Variants in TIAM2 observed in about 807,000 individuals in gnomAD.
TIAM2 encodes TIAM Rac1 associated GEF 2.
Under a neutral mutation model 152.9 loss-of-function variants are expected in TIAM2, and 80 were observed. The observed-to-expected ratio is 0.52, with a 90% CI of 0.44 to 0.63. TIAM2 has a LOEUF of 0.63. Ranked by LOEUF, TIAM2 falls within the 30% of genes least tolerant of loss-of-function variation. The pLI, the probability that TIAM2 is intolerant of heterozygous loss-of-function variation, is 0.00. For missense variants in TIAM2, 1,965 were observed against 2,120.1 expected, an observed-to-expected ratio of 0.93 and a Z score of 1.44; for synonymous variants, 804 against 838.0, an observed-to-expected ratio of 0.96 and a Z score of 0.70.
At position 155,129,587 on chromosome 6, in the gene TIAM2, G is replaced by A. The variant is rs762635687; in HGVS notation, c.364G>A (p.Glu122Lys). ...TENGFHSVGH[E>K]LADNHITSRD... ...GAATGGCTTCCACTCTGTTGGCCAC[G>A]AGCTGGCAGATAACCACATCACCTC... The change falls in exon 4 of 27, where the codon GAG becomes AAG. Residue 122 changes from glutamate to lysine, a missense_variant. Coordinates refer to ENST00000682666, the MANE Select transcript of TIAM2 (RefSeq NM_012454.4). The surrounding 1 kb of genome is among the most constrained non-coding windows in gnomAD (Gnocchi z 4.8). 15 of 1,613,964 alleles carry A rather than the reference G, an allele frequency of 9.3e-6. No individual in the cohort carries two copies. Among genetic ancestry groups the A allele is most frequent in the East Asian group, 2.2e-5 (1 of 44,884 alleles).
chr6:155,049,457 C>T (rs1367359825), intron 1 of TIAM2, among the ~76,000 whole-genome samples: 1 of 152,080 alleles, frequency 6.6e-6, no homozygotes, highest in Non-Finnish European at 1.5e-5. Flanking sequence ...AATTTTTGCC[C>T]ACTGAGTTGC....
At chr6:155,216,838 C>T (rs1334748590) in intron 15 of TIAM2, 23 of 1,097,190 alleles carry the variant, frequency 2.1e-5, no homozygotes, top group African/African-American at 6.7e-5. Flanking sequence ...GGCAGGCTCC[C>T]GGCATGGGTG....
intron 2 of TIAM2, among the ~76,000 whole-genome samples, chr6:155,104,907 A>G (rs1374080017): frequency 2.0e-5 from 3 of 152,180 alleles, no homozygotes; most frequent in South Asian, 4.1e-4. Flanking sequence ...TTATCTGTCT[A>G]TGGTAGAGGC....
At chr6:155,173,597 C>T (rs1780688529) in intron 9 of TIAM2, among the ~76,000 whole-genome samples, 1 of 152,164 alleles carries the variant, frequency 6.6e-6, no homozygotes, top group South Asian at 2.1e-4. Context: ...ACCCTTCTGC[C>T]TGTAATATGA....
chr6:155,047,456 G>A (rs1343727285), intron 1 of TIAM2, among the ~76,000 whole-genome samples: 1 of 152,100 alleles, frequency 6.6e-6, no homozygotes, highest in Non-Finnish European at 1.5e-5. Context: ...CTGGGATTAC[G>A]TGTGTCAGCC....
Position 155,131,090 on chromosome 6 carries a change from C to A in TIAM2, c.1194+673C>A, listed in dbSNP as rs1779435534. ...TAAGACTTGGCCATAGCCGGTGTGG[C>A]AGCTCATGCCTGTCATCCCAGCACT... On this transcript the variant is annotated intron_variant, in intron 4 of 26. Coordinates refer to ENST00000682666, the MANE Select transcript of TIAM2 (RefSeq NM_012454.4). Among the ~76,000 whole-genome samples the A allele has an allele frequency of 2.0e-5, 3 of 152,354 alleles. No homozygotes were observed. In the South Asian group the frequency reaches 6.2e-4, roughly 32 times the overall value.
At chr6:155,007,975 G>A (rs1376729732) in intron 1 of TIAM2, among the ~76,000 whole-genome samples, 2 of 152,150 alleles carry the variant, frequency 1.3e-5, no homozygotes, top group Admixed American at 6.6e-5. Flanking sequence ...TCACTAAGGC[G>A]TGGAGTGTAC....
chr6:155,206,809 C>T (rs564945574), intron 14 of TIAM2, among the ~76,000 whole-genome samples: 12 of 152,198 alleles, frequency 7.9e-5, no homozygotes, highest in East Asian at 1.9e-4. Context: ...TTAATTTCCA[C>T]GAGAAATGTG....
chr6:155,245,760 T>TTG, intron 19 of TIAM2, 29 bp downstream of exon 19: 1 of 1,447,648 alleles, frequency 6.9e-7, no homozygotes. Flanking sequence ...TTATAGTTTT[T>TTG]TTTTTTTTTT....
intron 15 of TIAM2, among the ~76,000 whole-genome samples, chr6:155,238,755 T>C (rs1243199031): frequency 6.6e-6 from 1 of 152,266 alleles, no homozygotes; most frequent in Non-Finnish European, 1.5e-5. Flanking sequence ...GAAGTCTTTG[T>C]TGATTCCAGA....
chr6:155,245,037 C>A (rs1562370486), intron 18 of TIAM2, among the ~76,000 whole-genome samples: 1 of 152,168 alleles, frequency 6.6e-6, no homozygotes, highest in South Asian at 2.1e-4. Context: ...TGACCACGTA[C>A]GTGCTCTTTT....
At chr6:155,197,472 C>T (rs779014514) in intron 14 of TIAM2, among the ~76,000 whole-genome samples, 2 of 152,044 alleles carry the variant, frequency 1.3e-5, no homozygotes, top group East Asian at 1.9e-4. Flanking sequence ...CCCATGACCC[C>T]GAAATGCCAG....
rs1486783521 is a variant in TIAM2 at position 155,156,778 on chromosome 6, C to A, written c.2029-7637C>A. Among the ~76,000 whole-genome samples, 2 of 152,244 alleles carry A rather than the reference C, an allele frequency of 1.3e-5. No individual in the cohort carries two copies. The highest frequency in any genetic ancestry group is 2.9e-5 in the Non-Finnish European group (2 of 68,036). ...TTTATCTGCAACTCCCTGAGCCCAC[C>A]CTTCTGCTCCTTTCTTTGGGTTTTT... is the stretch of plus-strand genomic sequence containing the variant. On this transcript the variant is annotated intron_variant, in intron 7 of 26. Transcript: ENST00000682666. This position sits in a 1 kb window ranked among gnomAD's most constrained non-coding sequence, Gnocchi z 4.4.
At chr6:155,113,580 TG>T (rs1022537079) in intron 2 of TIAM2, among the ~76,000 whole-genome samples, 2 of 152,048 alleles carry the variant, frequency 1.3e-5, no homozygotes, top group African/African-American at 4.8e-5. Flanking sequence ...AAAAATTAGC[TG>T]GGCGTTATGG....
intron 1 of TIAM2, among the ~76,000 whole-genome samples, chr6:155,032,139 A>G (rs9480016): frequency 0.21 from 31,845 of 152,008 alleles, 3,577 homozygotes; most frequent in African/African-American, 0.28. Context: ...TTATGTTCAG[A>G]TTGAACAAGC....
chr6:155,145,470 G>GC (rs1779800319), intron 6 of TIAM2, among the ~76,000 whole-genome samples: 1 of 152,174 alleles, frequency 6.6e-6, no homozygotes, highest in Admixed American at 6.5e-5. Context: ...GATAATAGTG[G>GC]CTTACATGAT....
intron 15 of TIAM2, among the ~76,000 whole-genome samples, chr6:155,234,003 T>TGGGGG (rs1430860867): frequency 6.1e-5 from 9 of 147,226 alleles, no homozygotes; most frequent in Non-Finnish European, 1.0e-4. Context: ...AAATTTTTTT[T>TGGGGG]GGGGGGGGGT....
chr6:155,098,744 A>C (rs566933074), intron 2 of TIAM2, among the ~76,000 whole-genome samples: 1 of 152,382 alleles, frequency 6.6e-6, no homozygotes, highest in Admixed American at 6.5e-5. Context: ...TAAAAGTGGT[A>C]AAAATGGAAA....
At chr6:155,192,300 A>G (rs950349477) in intron 14 of TIAM2, among the ~76,000 whole-genome samples, 2 of 152,196 alleles carry the variant, frequency 1.3e-5, no homozygotes, top group Non-Finnish European at 2.9e-5. Flanking sequence ...TTGATGGCAG[A>G]AATACAAACA....
Sources: allele counts gnomAD v4.1 joint callset (sites outside exome capture counted in the v4.1 genomes callset), GRCh38; gene constraint gnomAD v4.1.1; non-coding constraint Gnocchi (gnomAD v3.1); transcripts MANE v1.5; gene names NCBI Gene and HGNC (gene_info 2026-07-23, HGNC 2026-07-21).